Variants in ITGA8 observed in about 807,000 individuals in gnomAD.
The protein encoded by ITGA8 is integrin subunit alpha 8.
In ITGA8, 91 loss-of-function variants were observed where a neutral mutation model predicts 142.3. That is an observed-to-expected ratio of 0.64 (90% CI 0.54 to 0.76). The LOEUF is 0.76. Ranked by LOEUF, ITGA8 falls within the 30% of genes least tolerant of loss-of-function variation. The pLI is 0.00. For synonymous variants in ITGA8, 505 were observed against 485.2 expected (o/e 1.04, Z -0.54); for missense variants, 1,406 against 1,327.7 (o/e 1.06, Z -0.92).
At chr10:15,692,938 C>G (rs371253663) in intron 2 of ITGA8, among the ~76,000 whole-genome samples, 1 of 152,216 alleles carries the variant, frequency 6.6e-6, no homozygotes. Flanking sequence ...CGCAGTGATG[C>G]ACATCTGTAG....
intron 26 of ITGA8, among the ~76,000 whole-genome samples, chr10:15,549,696 T>C (rs1238395682): frequency 6.6e-6 from 1 of 152,214 alleles, no homozygotes; most frequent in African/African-American, 2.4e-5. Flanking sequence ...CTGTGAGTAC[T>C]CAATAAAAAT....
chr10:15,604,357 T>C lies in ITGA8; in HGVS notation c.1971-2A>G, dbSNP rs1833155707. ...CCAATGATTACCTGATGCTTATCTC[T>C]AAAAATGCAGTTTAAAAAGAAGGAT... On this transcript the variant is annotated splice_acceptor_variant, in intron 19 of 29. Coordinates refer to ENST00000378076, the MANE Select transcript of ITGA8 (RefSeq NM_003638.3). LOFTEE classifies it high-confidence loss of function. 1 of 1,603,702 alleles carries C rather than the reference T, an allele frequency of 6.2e-7. No homozygotes were observed. Among genetic ancestry groups the C allele is most frequent in the Admixed American group, 1.7e-5 (1 of 57,796 alleles).
At chr10:15,564,042 A>G (rs1374473625) in intron 25 of ITGA8, among the ~76,000 whole-genome samples, 1 of 152,222 alleles carries the variant, frequency 6.6e-6, no homozygotes, top group East Asian at 1.9e-4. Context: ...GTCATTCACA[A>G]ACATTTTAAG....
chr10:15,647,704 CA>C (rs1034591185), intron 11 of ITGA8, among the ~76,000 whole-genome samples: 1 of 151,654 alleles, frequency 6.6e-6, no homozygotes, highest in African/African-American at 2.4e-5. Context: ...CCTCATGATC[CA>C]CCCGCCTCGG....
chr10:15,693,228 A>T (rs1040296004), intron 2 of ITGA8, among the ~76,000 whole-genome samples: 1 of 152,190 alleles, frequency 6.6e-6, no homozygotes, highest in African/African-American at 2.4e-5. Context: ...TACTAAGGGC[A>T]TCTTATTTGT....
intron 7 of ITGA8, among the ~76,000 whole-genome samples, 163 bp downstream of exon 7, chr10:15,672,461 A>G (rs976420570): frequency 1.3e-5 from 2 of 152,254 alleles, no homozygotes; most frequent in African/African-American, 4.8e-5. Flanking sequence ...CGGCTGGAAA[A>G]ATAGCAGTAT....
chr10:15,672,243 T>C (rs1834536764), intron 7 of ITGA8, among the ~76,000 whole-genome samples: 1 of 152,200 alleles, frequency 6.6e-6, no homozygotes, highest in South Asian at 2.1e-4. Flanking sequence ...ATTGTGTGGT[T>C]TGTGCATAAT....
chr10:15,581,109 T>C (rs1053716227), intron 23 of ITGA8, among the ~76,000 whole-genome samples: 15 of 152,214 alleles, frequency 9.9e-5, no homozygotes, highest in Non-Finnish European at 2.9e-5. Context: ...ATCCTAACAC[T>C]ATGATTTAGA....
At chr10:15,562,581 G>A (rs574032845) in intron 25 of ITGA8, among the ~76,000 whole-genome samples, 1 of 152,188 alleles carries the variant, frequency 6.6e-6, no homozygotes, top group Non-Finnish European at 1.5e-5. Flanking sequence ...ATTTATACCA[G>A]GGAAGAAAAA....
At chr10:15,553,556 T>A (rs1833831900) in intron 26 of ITGA8, among the ~76,000 whole-genome samples, 1 of 152,222 alleles carries the variant, frequency 6.6e-6, no homozygotes, top group South Asian at 2.1e-4. Flanking sequence ...CACAATGTTG[T>A]ACCACCATCA....
chr10:15,542,369 A>C (rs1833586679), intron 27 of ITGA8, among the ~76,000 whole-genome samples: 1 of 152,182 alleles, frequency 6.6e-6, no homozygotes, highest in Admixed American at 6.6e-5. Flanking sequence ...GAGACTGGGG[A>C]AATGAATTTT....
chr10:15,606,484 G>T (rs1218395574), intron 17 of ITGA8, 62 bp from the exon 18 acceptor site: 29 of 1,496,778 alleles, frequency 1.9e-5, no homozygotes, highest in Non-Finnish European at 2.5e-5. Context: ...ATGTCAGTCT[G>T]CAAAAGTCAG....
intron 28 of ITGA8, among the ~76,000 whole-genome samples, chr10:15,529,538 G>A (rs1334626722): frequency 6.6e-6 from 1 of 152,200 alleles, no homozygotes; most frequent in African/African-American, 2.4e-5. Flanking sequence ...TGGCTCCCCT[G>A]CAGAATTGTC....
intron 8 of ITGA8, among the ~76,000 whole-genome samples, chr10:15,664,686 TC>T (rs1224910879): frequency 1.3e-4 from 13 of 97,414 alleles, no homozygotes; most frequent in South Asian, 1.3e-3. Flanking sequence ...CCCACAACAG[TC>T]CCCAGTGTGT....
chr10:15,710,068 G>T (rs776644352), intron 2 of ITGA8, among the ~76,000 whole-genome samples: 4 of 151,544 alleles, frequency 2.6e-5, no homozygotes, highest in South Asian at 2.1e-4. Context: ...GAATTTTTTT[G>T]TGTGTTTAAT....
intron 15 of ITGA8, among the ~76,000 whole-genome samples, chr10:15,610,863 C>G (rs1477008020): frequency 6.6e-6 from 1 of 152,164 alleles, no homozygotes; most frequent in Non-Finnish European, 1.5e-5. Flanking sequence ...TCGTTACTCA[C>G]TTTTACATTT....
At chr10:15,637,674 G>T (rs1162670522) in intron 13 of ITGA8, among the ~76,000 whole-genome samples, 2 of 151,886 alleles carry the variant, frequency 1.3e-5, no homozygotes, top group East Asian at 3.9e-4. Flanking sequence ...AGCATGCCTG[G>T]CCAATTTTTT....
chr10:15,625,284 C>A (rs995420636), intron 13 of ITGA8, among the ~76,000 whole-genome samples: 2 of 152,154 alleles, frequency 1.3e-5, no homozygotes, highest in Non-Finnish European at 2.9e-5. Context: ...GATGAGTCTG[C>A]CTTATGAAAA....
intron 25 of ITGA8, among the ~76,000 whole-genome samples, chr10:15,570,299 A>G (rs1834154603): frequency 6.6e-6 from 1 of 152,170 alleles, no homozygotes; most frequent in South Asian, 2.1e-4. Context: ...ATTTTACTCC[A>G]AGCACATACA....
Sources: allele counts gnomAD v4.1 joint callset (sites outside exome capture counted in the v4.1 genomes callset), GRCh38; gene constraint gnomAD v4.1.1; transcripts MANE v1.5; gene names NCBI Gene and HGNC (gene_info 2026-07-23, HGNC 2026-07-21).